SNAPC1: variants seen among roughly 807,000 people sequenced by gnomAD.
SNAPC1 encodes the protein small nuclear RNA activating complex polypeptide 1, also known as snRNA-activating protein complex subunit 1.
Under a neutral mutation model 50.1 loss-of-function variants are expected in SNAPC1, and 42 were observed. The ratio of observed to expected loss-of-function variants is 0.84; its 90% confidence interval spans 0.65 to 1.08. The LOEUF (loss-of-function observed/expected upper bound fraction) is 1.08. Ranked by LOEUF, SNAPC1 falls within the 50% of genes least tolerant of loss-of-function variation. The pLI, the probability that SNAPC1 is intolerant of heterozygous loss-of-function variation, is 0.00. For missense variants in SNAPC1, 477 were observed against 427.3 expected (o/e 1.12, Z -1.02); for synonymous variants, 164 against 144.2 (o/e 1.14, Z -0.98).
chr14:61,785,546 G>A (rs2045109679), intron 8 of SNAPC1, among the ~76,000 whole-genome samples: 1 of 152,332 alleles, frequency 6.6e-6, no homozygotes, highest in South Asian at 2.1e-4. Flanking sequence ...GGTTAAGGAT[G>A]TGCCTGTGAT....
intron 8 of SNAPC1, among the ~76,000 whole-genome samples, chr14:61,786,186 A>C (rs1594651217): frequency 6.6e-6 from 1 of 152,198 alleles, no homozygotes; most frequent in Non-Finnish European, 1.5e-5. Context: ...CTAAATTATA[A>C]AACTTGTGAA....
At chr14:61,763,711 T>C (rs2044926628) in intron 1 of SNAPC1, among the ~76,000 whole-genome samples, 2 of 152,100 alleles carry the variant, frequency 1.3e-5, no homozygotes, top group South Asian at 4.1e-4. Context: ...TTCCACATTT[T>C]GTTGTAATGG....
At chr14:61,790,596 T>G (rs1382163301) in intron 8 of SNAPC1, among the ~76,000 whole-genome samples, 1 of 152,106 alleles carries the variant, frequency 6.6e-6, no homozygotes, top group East Asian at 1.9e-4. Context: ...CTCAGCCTCC[T>G]AAAGTGCTGA....
At chr14:61,762,677 G>C (rs2044914902) in intron 1 of SNAPC1, 89 bp downstream of exon 1, 1 of 1,484,710 alleles carries the variant, frequency 6.7e-7, no homozygotes, top group Non-Finnish European at 9.3e-7. Flanking sequence ...CACTTGTGAA[G>C]GGCTGAGAAG....
chr14:61,765,793 G>A (rs2044943350), intron 1 of SNAPC1, among the ~76,000 whole-genome samples: 1 of 152,052 alleles, frequency 6.6e-6, no homozygotes, highest in African/African-American at 2.4e-5. Flanking sequence ...TTGCTCTCTT[G>A]GATGTTTGGA....
chr14:61,768,330 T>A (rs929416935), intron 3 of SNAPC1, among the ~76,000 whole-genome samples: 1 of 152,206 alleles, frequency 6.6e-6, no homozygotes, highest in Non-Finnish European at 1.5e-5. Flanking sequence ...GCATTTGTTT[T>A]TTTTTAATCT....
intron 8 of SNAPC1, among the ~76,000 whole-genome samples, chr14:61,787,974 G>A (rs1451121339): frequency 6.6e-6 from 1 of 152,158 alleles, no homozygotes; most frequent in Non-Finnish European, 1.5e-5. Context: ...GGGGAACAAA[G>A]GAGGAACAAG....
At position 61,795,004 on chromosome 14, in the gene SNAPC1, T is replaced by C; in HGVS notation, c.*21T>C. The C allele has an allele frequency of 6.5e-7, 1 of 1,530,328 alleles. No homozygotes were observed. The highest frequency in any genetic ancestry group is 8.8e-7 in the Non-Finnish European group (1 of 1,131,286). 94.8% of individuals were successfully genotyped at this position (1,530,328 alleles called of 1,614,324 possible). A position where few individuals can be genotyped will look rare whatever the true frequency, so the allele number is the denominator to read the frequency against. On this transcript the variant is annotated 3_prime_UTR_variant, in exon 10 of 10. Transcript: ENST00000216294. ...ACTGAACAAAGAGCCTGGTGTAGTT[T>C]TTAATTTTGAGTTTTCTGACAGAAG...
chr14:61,778,722 A>G, intron 6 of SNAPC1, 126 bp from the exon 7 acceptor site: 2 of 670,632 alleles, frequency 3.0e-6, no homozygotes, highest in Non-Finnish European at 5.3e-6. Flanking sequence ...TACCCAATGT[A>G]TGTTAGTTTC....
chr14:61,785,720 C>A (rs2045111307), intron 8 of SNAPC1, among the ~76,000 whole-genome samples: 1 of 152,152 alleles, frequency 6.6e-6, no homozygotes, highest in African/African-American at 2.4e-5. Context: ...GTAGGTAAGA[C>A]AAAAAGTTGG....
chr14:61,783,264 C>T (rs1489527517), intron 8 of SNAPC1, among the ~76,000 whole-genome samples: 1 of 151,842 alleles, frequency 6.6e-6, no homozygotes, highest in Non-Finnish European at 1.5e-5. Context: ...CTCCTGACCT[C>T]AGGTGATCCA....
chr14:61,795,182 A>G lies in SNAPC1; in HGVS notation c.*199A>G. 1.9e-6 allele frequency: 1 copy of G among 519,538 alleles called. No homozygotes were observed. The highest frequency in any genetic ancestry group is 3.8e-5 in the Admixed American group (1 of 26,438). The allele number at this position is 519,538 out of a possible 1,614,324, so 32.2% of individuals were successfully genotyped here. On this transcript the variant is annotated 3_prime_UTR_variant, in exon 10 of 10. Transcript: ENST00000216294. ...ATAAGAATTCTTTAACATTTTCTTT[A>G]ATGATTTGCATAAATGGAGATAAAA...
chr14:61,778,131 A>G lies in SNAPC1; in HGVS notation c.753A>G (p.Gln251=). The part of the protein sequence containing the change: ...DGEEKMEGNS[Q]ETERCERAES... ...AAGAAAAAATGGAAGGAAATTCACAAGAAACGGAGGTCAGAAAACTTTGCA... is the reference window on the plus strand; with the variant it reads ...AAGAAAAAATGGAAGGAAATTCACAGGAAACGGAGGTCAGAAAACTTTGCA... Residue 251 remains glutamine, a synonymous_variant, in exon 6 of 10, where the codon CAA becomes CAG. Transcript: ENST00000216294. The G allele has an allele frequency of 6.2e-7, 1 of 1,600,898 alleles. No individual in the cohort carries two copies. The highest frequency in any genetic ancestry group is 8.5e-7 in the Non-Finnish European group (1 of 1,171,800).
chr14:61,775,042 A>G (rs769673209), intron 4 of SNAPC1, among the ~76,000 whole-genome samples: 1 of 152,196 alleles, frequency 6.6e-6, no homozygotes, highest in East Asian at 1.9e-4. Context: ...GGGATGACTC[A>G]GATGTTGCAA....
chr14:61,766,605 TA>T (rs2044950176), intron 1 of SNAPC1, among the ~76,000 whole-genome samples: 4 of 152,256 alleles, frequency 2.6e-5, no homozygotes, highest in Non-Finnish European at 5.9e-5. Context: ...TTATGGGTTT[TA>T]AATATTTAAC....
At chr14:61,787,565 A>T (rs1266017234) in intron 8 of SNAPC1, among the ~76,000 whole-genome samples, 1 of 152,222 alleles carries the variant, frequency 6.6e-6, no homozygotes, top group Non-Finnish European at 1.5e-5. Flanking sequence ...GAGGTACAGA[A>T]ATCGGAAGTG....
intron 4 of SNAPC1, among the ~76,000 whole-genome samples, chr14:61,775,449 T>C (rs1263745033): frequency 6.6e-6 from 1 of 151,976 alleles, no homozygotes; most frequent in Non-Finnish European, 1.5e-5. Context: ...AGAGACGGGG[T>C]TTCACCATGT....
At chr14:61,790,264 A>T (rs2045142596) in intron 8 of SNAPC1, among the ~76,000 whole-genome samples, 1 of 152,214 alleles carries the variant, frequency 6.6e-6, no homozygotes, top group Non-Finnish European at 1.5e-5. Context: ...CATTCCTCGA[A>T]TATAACATGC....
At position 61,787,242 on chromosome 14, in the gene SNAPC1, C is replaced by T. The variant is rs984040365; in HGVS notation, c.976+4845C>T. 2.6e-5 allele frequency among the ~76,000 whole-genome samples: 4 copies of T among 152,262 alleles called. No individual in the cohort carries two copies. The East Asian group carries it at 5.8e-4, about 22-fold the overall frequency. On this transcript the variant is annotated intron_variant, in intron 8 of 9. Coordinates refer to ENST00000216294, the MANE Select transcript of SNAPC1 (RefSeq NM_003082.4). ...CACAGCCGTGCATTTGTCCAAACTT[C>T]TCTGTATAGCAAAAATGGGTGAATT...
Sources: allele counts gnomAD v4.1 joint callset (sites outside exome capture counted in the v4.1 genomes callset), GRCh38; gene constraint gnomAD v4.1.1; transcripts MANE v1.5; gene names NCBI Gene and HGNC (gene_info 2026-07-23, HGNC 2026-07-21).